KIF13B: variants seen among roughly 807,000 people sequenced by gnomAD.
The protein encoded by KIF13B is kinesin-like protein KIF13B.
In KIF13B, 127 loss-of-function variants were observed where a neutral mutation model predicts 222.0. The ratio of observed to expected loss-of-function variants is 0.57; its 90% CI spans 0.50 to 0.66. The LOEUF is 0.66. Ranked by LOEUF, KIF13B falls within the 30% of genes least tolerant of loss-of-function variation. KIF13B has a pLI of 0.00. For synonymous variants in KIF13B, 976 were observed against 919.0 expected (o/e 1.06, Z -1.12); for missense variants, 2,173 against 2,379.0 (o/e 0.91, Z 1.80).
chr8:29,243,348 CAAAAA>C (rs777503766), intron 2 of KIF13B, among the ~76,000 whole-genome samples: 1 of 110,726 alleles, frequency 9.0e-6, no homozygotes. Context: ...GACCCAGTCT[CAAAAA>C]AAAAAAAAAA....
chr8:29,108,059 A>T, intron 35 of KIF13B, 80 bp downstream of exon 35: 1 of 1,293,120 alleles, frequency 7.7e-7, no homozygotes, highest in East Asian at 2.5e-5. Context: ...GGCTTGCAAA[A>T]ATAACCTGAG....
intron 37 of KIF13B, among the ~76,000 whole-genome samples, chr8:29,085,476 T>A (rs1394286349): frequency 4.1e-5 from 6 of 144,820 alleles, no homozygotes; most frequent in South Asian, 2.2e-4. Context: ...TATATCCTCA[T>A]AAACTTTCTG....
At position 29,069,136 on chromosome 8, in the gene KIF13B, T is replaced by G. The variant is rs1174439445; in HGVS notation, c.*1368A>C. 6.6e-6 allele frequency: 1 copy of G among 152,248 alleles called. No homozygotes were observed. The highest frequency in any genetic ancestry group is 1.9e-4 in the East Asian group (1 of 5,192). The allele number at this position is 152,248 out of a possible 1,614,324, so 9.4% of individuals were successfully genotyped here. A position where few individuals can be genotyped will look rare whatever the true frequency, so the allele number is the denominator to read the frequency against. ...GAAACCAGCTCCAAGGGTGGCTGTG[T>G]GAATCTTGACCCAGGACTCCTGTCC... is the stretch of plus-strand genomic sequence containing the variant. On this transcript the variant is annotated 3_prime_UTR_variant, in exon 40 of 40. Coordinates refer to ENST00000524189, the MANE Select transcript of KIF13B (RefSeq NM_015254.4).
chr8:29,137,603 T>C (rs1243647367), intron 21 of KIF13B, among the ~76,000 whole-genome samples: 1 of 152,256 alleles, frequency 6.6e-6, no homozygotes, highest in Non-Finnish European at 1.5e-5. Context: ...ATCTTAACTG[T>C]CTCCAGGCTG....
rs778148157 is a variant in KIF13B at position 29,188,527 on chromosome 8, A to G, written c.304T>C (p.Tyr102His). The change falls in exon 5 of 40, where the codon TAT becomes CAT. Residue 102 changes from tyrosine (Y) to histidine (H), a missense_variant. Around this residue, in one of 2 missense-constraint regions of KIF13B, gnomAD observed 1,480 missense variants for 1,722.8 expected, o/e 0.86. Coordinates refer to ENST00000524189, the MANE Select transcript of KIF13B (RefSeq NM_015254.4). ...TATTTAACATTACCAGTCTGTCCAT[A>G]GGCAAAGATACATGCATTGTAGCCA... The part of the protein sequence containing the change: ...FDGYNACIFA[Y>H]GQTGSGKSYT... The G allele has an allele frequency of 6.2e-7, 1 of 1,601,124 alleles. No individual in the cohort carries two copies. Among genetic ancestry groups the G allele is most frequent in the East Asian group, 2.2e-5 (1 of 44,792 alleles).
chr8:29,219,645 C>A (rs377378301), intron 2 of KIF13B, among the ~76,000 whole-genome samples: 1 of 151,764 alleles, frequency 6.6e-6, no homozygotes, highest in Non-Finnish European at 1.5e-5. Flanking sequence ...CCCAGCAACT[C>A]GGGAGGCTGC....
At chr8:29,161,076 C>G (rs1811755261) in intron 12 of KIF13B, among the ~76,000 whole-genome samples, 1 of 152,076 alleles carries the variant, frequency 6.6e-6, no homozygotes, top group Non-Finnish European at 1.5e-5. Flanking sequence ...AAAATAAAGT[C>G]TATTACATAT....
chr8:29,078,764 A>G (rs1226558410), intron 37 of KIF13B, among the ~76,000 whole-genome samples: 1 of 152,258 alleles, frequency 6.6e-6, no homozygotes, highest in Non-Finnish European at 1.5e-5. Flanking sequence ...TAATGGTTAA[A>G]TGTATTCACA....
chr8:29,119,615 T>C (rs984872925), intron 29 of KIF13B, among the ~76,000 whole-genome samples: 5 of 152,164 alleles, frequency 3.3e-5, no homozygotes, highest in African/African-American at 9.6e-5. Flanking sequence ...CTTAAGCTTA[T>C]TGTCTTTCAC....
chr8:29,255,991 G>A (rs1241575556), intron 1 of KIF13B, among the ~76,000 whole-genome samples: 3 of 152,106 alleles, frequency 2.0e-5, no homozygotes, highest in Non-Finnish European at 2.9e-5. Flanking sequence ...TAATGACTCC[G>A]AAATCTACAC....
chr8:29,184,435 CTA>C (rs1586895504), intron 6 of KIF13B, among the ~76,000 whole-genome samples: 1 of 152,130 alleles, frequency 6.6e-6, no homozygotes, highest in Non-Finnish European at 1.5e-5. Context: ...TCATCCCAGT[CTA>C]TCTTCACAAC....
intron 2 of KIF13B, among the ~76,000 whole-genome samples, chr8:29,221,214 T>C (rs1302142796): frequency 2.0e-5 from 3 of 150,128 alleles, no homozygotes; most frequent in Non-Finnish European, 4.4e-5. Flanking sequence ...GCAATTCTCC[T>C]GCCTCAGCCT....
intron 18 of KIF13B, chr8:29,145,829 GA>G (rs1259216809): frequency 1.6e-4 from 24 of 149,368 alleles, no homozygotes; most frequent in African/African-American, 4.2e-4. Flanking sequence ...AAAGATGAAG[GA>G]AAAAAACCCA....
intron 10 of KIF13B, among the ~76,000 whole-genome samples, chr8:29,170,616 T>C (rs556974528): frequency 6.6e-6 from 1 of 151,480 alleles, no homozygotes; most frequent in Non-Finnish European, 1.5e-5. Context: ...ACTGAAGAGA[T>C]GGGAGGGGAA....
intron 26 of KIF13B, 90 bp downstream of exon 26, chr8:29,126,392 C>A: frequency 1.2e-6 from 1 of 861,878 alleles, no homozygotes. Context: ...TTGTTTAATC[C>A]TTAAATAACA....
rs774287321 is a variant in KIF13B at position 29,191,001 on chromosome 8, A to G, written c.219T>C (p.Tyr73=). The G allele has an allele frequency of 3.7e-6, 6 of 1,611,982 alleles. No individual in the cohort carries two copies. The Admixed American group carries it at 1.0e-4, about 27-fold the overall frequency. The part of the protein sequence containing the change: ...WSMDESVKEK[Y]AGQDIVFKCL... ...CAGGATGCTGGATTCTATTACCTGC[A>G]TACTTTTCTTTGACAGATTCATCCA... Residue 73 remains tyrosine, a synonymous_variant, in exon 4 of 40, where the codon TAT becomes TAC. Coordinates refer to ENST00000524189, the MANE Select transcript of KIF13B (RefSeq NM_015254.4).
intron 2 of KIF13B, among the ~76,000 whole-genome samples, chr8:29,242,429 G>A (rs914244220): frequency 4.6e-5 from 7 of 152,222 alleles, no homozygotes; most frequent in African/African-American, 1.7e-4. Flanking sequence ...ATAAAATAAG[G>A]CCTAAAGATT....
chr8:29,106,599 T>C (rs1412648561), intron 35 of KIF13B, among the ~76,000 whole-genome samples: 2 of 115,210 alleles, frequency 1.7e-5, no homozygotes, highest in African/African-American at 6.9e-5. Flanking sequence ...GCCACTGCAC[T>C]CCAGCCTGGG....
At position 29,070,689 on chromosome 8, in the gene KIF13B, G is replaced by C; in HGVS notation, c.5296C>G (p.Arg1766Gly). The C allele has an allele frequency of 6.4e-7, 1 of 1,560,822 alleles. No homozygotes were observed. The highest frequency in any genetic ancestry group is 8.7e-7 in the Non-Finnish European group (1 of 1,152,938). Reference protein sequence around the residue: ...PGYGLLVRPSRVRRATGPVRR... With the variant: ...PGYGLLVRPSGVRRATGPVRR... ...ACAGGGCCCGTGGCCCTGCGGACCC[G>C]GCTGGGCCTGACCAGCAGCCCGTAG... The change falls in exon 40 of 40, where the codon CGG (arginine) becomes GGG (glycine). Residue 1766 changes from arginine (R) to glycine (G), a missense_variant. By Grantham distance (125) the Arg-to-Gly change is moderately radical. Transcript: ENST00000524189. The surrounding 1 kb of genome is among the most constrained non-coding windows in gnomAD (Gnocchi z 4.1).
Sources: gnomAD v4.1 joint callset for allele counts (sites outside exome capture counted in the v4.1 genomes callset) on GRCh38, gnomAD v4.1.1 for gene constraint, gnomAD v4.1.1 regional missense constraint, Gnocchi (gnomAD v3.1) non-coding constraint, MANE v1.5 for transcripts, NCBI Gene and HGNC (gene_info 2026-07-23, HGNC 2026-07-21) for gene names.